Variants in RPRD1A observed in about 807,000 individuals in gnomAD.
RPRD1A encodes the protein regulation of nuclear pre-mRNA domain containing 1A.
A neutral mutation model predicts 37.8 loss-of-function variants in RPRD1A; 9 were observed. That is an observed-to-expected ratio of 0.24 (90% CI 0.14 to 0.42). RPRD1A has a LOEUF of 0.42. RPRD1A is among the 10% of genes least tolerant of loss of function. The pLI, the probability that RPRD1A is intolerant of heterozygous loss-of-function variation, is 1.00. For synonymous variants in RPRD1A, 138 were observed against 139.7 expected (o/e 0.99, Z 0.08); for missense variants, 255 against 371.0 (o/e 0.69, Z 2.57).
chr18:36,060,863 G>A (rs1282268607), intron 1 of RPRD1A, among the ~76,000 whole-genome samples: 1 of 152,026 alleles, frequency 6.6e-6, no homozygotes, highest in African/African-American at 2.4e-5. Flanking sequence ...GCATGGTAGT[G>A]TGCACCTGTA....
chr18:36,031,504 T>C (rs17672040), intron 2 of RPRD1A, among the ~76,000 whole-genome samples: 17,576 of 152,222 alleles, frequency 0.12, 1,259 homozygotes, highest in East Asian at 0.25. Context: ...CTTATGGCAG[T>C]TGTTATTTAT....
At chr18:36,008,288 T>C (rs1909887933) in intron 6 of RPRD1A, among the ~76,000 whole-genome samples, 1 of 151,832 alleles carries the variant, frequency 6.6e-6, no homozygotes. Context: ...TTTTAAAAAT[T>C]GTAATTAGAC....
At chr18:35,996,227 A>G (rs1184948992) in intron 6 of RPRD1A, among the ~76,000 whole-genome samples, 4 of 152,192 alleles carry the variant, frequency 2.6e-5, no homozygotes, top group Non-Finnish European at 4.4e-5. Context: ...CTCTCTTCAT[A>G]GTTTTTTGGT....
chr18:36,043,423 C>A (rs1357355296), intron 1 of RPRD1A, among the ~76,000 whole-genome samples: 1 of 151,882 alleles, frequency 6.6e-6, no homozygotes, highest in East Asian at 1.9e-4. Flanking sequence ...CAGGTCCAGG[C>A]AAAGGAACAT....
At chr18:35,995,455 A>T (rs922952856) in intron 6 of RPRD1A, among the ~76,000 whole-genome samples, 1 of 151,866 alleles carries the variant, frequency 6.6e-6, no homozygotes, top group East Asian at 1.9e-4. Context: ...TTTAGTAGAG[A>T]TGGGGTTTCT....
chr18:36,009,554 T>C (rs1224702321), intron 6 of RPRD1A, among the ~76,000 whole-genome samples: 1 of 152,252 alleles, frequency 6.6e-6, no homozygotes, highest in African/African-American at 2.4e-5. Flanking sequence ...CTTCTGTGAA[T>C]ACTGCCTATT....
At chr18:35,996,977 CAAAAAAAAAA>C (rs200694089) in intron 6 of RPRD1A, among the ~76,000 whole-genome samples, 4 of 55,612 alleles carry the variant, frequency 7.2e-5, no homozygotes, top group African/African-American at 3.0e-4. Flanking sequence ...GACCCTGTCT[CAAAAAAAAAA>C]AAAAAAAAAA....
At chr18:36,027,438 GAAGAC>G (rs1897251290) in intron 4 of RPRD1A, 128 bp from the exon 5 acceptor site, 3 of 920,602 alleles carry the variant, frequency 3.3e-6, no homozygotes, top group Admixed American at 2.6e-5. Flanking sequence ...AACTGCTTTT[GAAGAC>G]AATCAATTTC....
intron 1 of RPRD1A, chr18:36,063,961 G>A (rs755395495): frequency 6.6e-6 from 1 of 152,216 alleles, no homozygotes. Context: ...TTCCACTTAT[G>A]AAACACTTAA....
At chr18:36,023,472 G>C (rs574252643) in intron 6 of RPRD1A, among the ~76,000 whole-genome samples, 40 of 152,246 alleles carry the variant, frequency 2.6e-4, no homozygotes, top group African/African-American at 9.6e-4. Context: ...CAAATAAAGT[G>C]GTTTCCTGAG....
chr18:36,019,375 G>A (rs1910834755), intron 6 of RPRD1A, among the ~76,000 whole-genome samples: 1 of 152,050 alleles, frequency 6.6e-6, no homozygotes, highest in African/African-American at 2.4e-5. Context: ...CCAAAGTGCT[G>A]GGATTACAGG....
intron 1 of RPRD1A, among the ~76,000 whole-genome samples, chr18:36,064,594 G>A (rs930912074): frequency 2.6e-5 from 4 of 152,124 alleles, no homozygotes; most frequent in Admixed American, 1.3e-4. Context: ...GCAACAATCA[G>A]TGCTGTGTGT....
chr18:36,026,633 G>GATAAATT, intron 6 of RPRD1A: 1 of 316,326 alleles, frequency 3.2e-6, no homozygotes, highest in Non-Finnish European at 5.8e-6. Flanking sequence ...AAACTGGTAA[G>GATAAATT]ATAAATTATA....
chr18:35,992,998 A>C lies in RPRD1A; in HGVS notation c.*153T>G, dbSNP rs1908801602. 3.3e-6 allele frequency: 2 copies of C among 597,264 alleles called. No homozygotes were observed. The highest frequency in any genetic ancestry group is 4.9e-5 in the South Asian group (1 of 20,302). 37.0% of individuals were successfully genotyped at this position (597,264 alleles called of 1,614,324 possible). The stretch of plus-strand genomic sequence containing the variant: ...TTAATTTACCAATAAAATAGTAAAC[A>C]AACCAACATTTTAAACAATTTTATA... On this transcript the variant is annotated 3_prime_UTR_variant, in exon 7 of 7. Coordinates refer to ENST00000399022, the MANE Select transcript of RPRD1A (RefSeq NM_018170.5).
chr18:36,011,232 C>G (rs975143377), intron 6 of RPRD1A, among the ~76,000 whole-genome samples: 5 of 152,098 alleles, frequency 3.3e-5, no homozygotes, highest in Admixed American at 6.5e-5. Context: ...GACAAGGAAA[C>G]AGAGGCCAAA....
intron 1 of RPRD1A, among the ~76,000 whole-genome samples, chr18:36,060,229 A>C (rs531203507): frequency 6.6e-6 from 1 of 152,274 alleles, no homozygotes; most frequent in East Asian, 1.9e-4. Context: ...CAGGAGATCG[A>C]GACCATCCTG....
chr18:36,046,533 A>G (rs1340352294), intron 1 of RPRD1A, among the ~76,000 whole-genome samples: 1 of 152,148 alleles, frequency 6.6e-6, no homozygotes, highest in Non-Finnish European at 1.5e-5. Flanking sequence ...AAGATTAAGT[A>G]AAATCTACCA....
At chr18:36,000,584 A>T (rs1480241897) in intron 6 of RPRD1A, among the ~76,000 whole-genome samples, 1 of 152,222 alleles carries the variant, frequency 6.6e-6, no homozygotes, top group Non-Finnish European at 1.5e-5. Flanking sequence ...TAGATGTTAC[A>T]AAGAAACTTT....
intron 1 of RPRD1A, among the ~76,000 whole-genome samples, chr18:36,048,758 T>C (rs1032305822): frequency 1.3e-5 from 2 of 151,800 alleles, no homozygotes; most frequent in Non-Finnish European, 2.9e-5. Flanking sequence ...TTATTACACA[T>C]GGTGCTGGAA....
Sources: allele counts gnomAD v4.1 joint callset (sites outside exome capture counted in the v4.1 genomes callset), GRCh38; gene constraint gnomAD v4.1.1; transcripts MANE v1.5; gene names NCBI Gene and HGNC (gene_info 2026-07-23, HGNC 2026-07-21).